SHISA9: variants seen among roughly 807,000 people sequenced by gnomAD.
SHISA9 encodes the protein shisa family member 9.
A neutral mutation model predicts 38.0 loss-of-function variants in SHISA9; 13 were observed. The observed-to-expected ratio is 0.34, with a 90% confidence interval of 0.22 to 0.54. The LOEUF (loss-of-function observed/expected upper bound fraction) is 0.54. SHISA9 is among the 20% of genes least tolerant of loss of function. The probability of loss-of-function intolerance (pLI) is 0.91; values close to 1 mark genes in which losing one functional copy is unlikely to be tolerated. For missense variants in SHISA9, 538 were observed against 575.8 expected, an observed-to-expected ratio of 0.93 and a Z score of 0.67; for synonymous variants, 275 against 242.0, an observed-to-expected ratio of 1.14 and a Z score of -1.27.
chr16:12,965,400 C>A (rs1596553355), intron 2 of SHISA9, among the ~76,000 whole-genome samples: 1 of 152,290 alleles, frequency 6.6e-6, no homozygotes, highest in East Asian at 1.9e-4. Flanking sequence ...GGCAGTCATT[C>A]CTCCTTACTC....
the SHISA9 span, among the ~76,000 whole-genome samples, chr16:13,314,542 TTTCATTTTATTTTTAACAGCTTTAGTG>T: frequency 2.0e-5 from 3 of 152,098 alleles, no homozygotes; most frequent in Admixed American, 2.0e-4. Context: ...GCCCAGCCTA[TTTCATTTTATTTTTAACAGCTTTAGTG>T]AGGTATAATT....
At chr16:13,364,193 G>A in the SHISA9 span, among the ~76,000 whole-genome samples, 15 of 152,238 alleles carry the variant, frequency 9.9e-5, no homozygotes, top group South Asian at 2.3e-3. Flanking sequence ...CTGCCTTTTG[G>A]AACTAGCCTG....
chr16:13,193,796 A>C (rs949084719), intron 2 of SHISA9, among the ~76,000 whole-genome samples: 31 of 152,314 alleles, frequency 2.0e-4, no homozygotes, highest in Admixed American at 2.0e-3. Context: ...GTTCTGTGGT[A>C]AGACCCCAGC....
chr16:13,484,962 A>C, the SHISA9 span, among the ~76,000 whole-genome samples: 1 of 152,026 alleles, frequency 6.6e-6, no homozygotes, highest in East Asian at 1.9e-4. Flanking sequence ...AGACCATATC[A>C]GTAAGCTCCT....
At chr16:13,181,267 TTATATATATATATATATATATA>T (rs1156705123) in intron 2 of SHISA9, among the ~76,000 whole-genome samples, 16 of 80,104 alleles carry the variant, frequency 2.0e-4, no homozygotes, top group South Asian at 9.0e-4. Flanking sequence ...AAATAAAATT[TTATATATATATATATATATATA>T]TATATATATA....
intron 2 of SHISA9, among the ~76,000 whole-genome samples, chr16:12,978,203 A>G (rs951686791): frequency 1.3e-5 from 2 of 152,180 alleles, no homozygotes; most frequent in South Asian, 4.1e-4. Context: ...AGACCCTACC[A>G]TCATCTACCA....
the SHISA9 span, among the ~76,000 whole-genome samples, chr16:13,316,274 C>A: frequency 6.6e-6 from 1 of 152,130 alleles, no homozygotes; most frequent in African/African-American, 2.4e-5. Context: ...TTCCTGCAAC[C>A]ACAGAGAACG....
At chr16:12,986,275 C>T (rs1025785866) in intron 2 of SHISA9, among the ~76,000 whole-genome samples, 1 of 152,148 alleles carries the variant, frequency 6.6e-6, no homozygotes, top group African/African-American at 2.4e-5. Context: ...GGGAAAGGGT[C>T]TCCCTCTTTC....
At chr16:13,289,393 G>T in the SHISA9 span, among the ~76,000 whole-genome samples, 1 of 151,928 alleles carries the variant, frequency 6.6e-6, no homozygotes, top group Admixed American at 6.6e-5. Context: ...GGCAGGGTTG[G>T]GGGGTGCTGA....
At chr16:13,369,172 C>T in the SHISA9 span, among the ~76,000 whole-genome samples, 1 of 152,128 alleles carries the variant, frequency 6.6e-6, no homozygotes, top group East Asian at 1.9e-4. Flanking sequence ...ATTTTGAAAG[C>T]GTACAAAATA....
the SHISA9 span, among the ~76,000 whole-genome samples, chr16:13,409,245 C>A: frequency 2.0e-5 from 3 of 152,160 alleles, no homozygotes; most frequent in Admixed American, 6.5e-5. Context: ...CCATCCATTC[C>A]GCTGACAGCC....
chr16:13,414,616 G>A, the SHISA9 span, among the ~76,000 whole-genome samples: 3 of 147,924 alleles, frequency 2.0e-5, no homozygotes, highest in African/African-American at 5.0e-5. Flanking sequence ...TACCATGTTC[G>A]TTCGTTCTTT....
At chr16:12,991,192 C>G (rs1026049808) in intron 2 of SHISA9, among the ~76,000 whole-genome samples, 2 of 152,152 alleles carry the variant, frequency 1.3e-5, no homozygotes, top group Admixed American at 6.6e-5. Context: ...TCATGCCCCT[C>G]ACCCATTTTT....
the SHISA9 span, among the ~76,000 whole-genome samples, chr16:13,454,851 G>T: frequency 6.6e-6 from 1 of 152,224 alleles, no homozygotes; most frequent in Admixed American, 6.5e-5. Context: ...CTATTCATGT[G>T]GCTTCCTTCA....
intron 2 of SHISA9, among the ~76,000 whole-genome samples, chr16:12,953,994 G>A (rs2071795396): frequency 6.6e-6 from 1 of 152,160 alleles, no homozygotes; most frequent in Admixed American, 6.6e-5. Flanking sequence ...CCAGGTCCCT[G>A]CCTCAACCTG....
the SHISA9 span, among the ~76,000 whole-genome samples, chr16:13,544,970 C>A: frequency 6.6e-6 from 1 of 152,032 alleles, no homozygotes; most frequent in African/African-American, 2.4e-5. Context: ...CTGATAGTGT[C>A]AACAGTTTAG....
At chr16:13,490,570 T>G in the SHISA9 span, among the ~76,000 whole-genome samples, 1 of 152,250 alleles carries the variant, frequency 6.6e-6, no homozygotes, top group East Asian at 1.9e-4. Context: ...GTCTCAAACA[T>G]ACATAAAGCA....
intron 2 of SHISA9, among the ~76,000 whole-genome samples, chr16:13,147,857 G>A (rs956760777): frequency 1.3e-5 from 2 of 152,146 alleles, no homozygotes; most frequent in African/African-American, 4.8e-5. Flanking sequence ...CACCGGGTGG[G>A]AAAATCTTTT....
chr16:13,536,240 G>T, the SHISA9 span, among the ~76,000 whole-genome samples: 1 of 152,048 alleles, frequency 6.6e-6, no homozygotes, highest in Non-Finnish European at 1.5e-5. Context: ...CTCGTGATCC[G>T]TCCGTGTCGG....
Sources: gnomAD v4.1 joint callset for allele counts (sites outside exome capture counted in the v4.1 genomes callset) on GRCh38, gnomAD v4.1.1 for gene constraint, MANE v1.5 for transcripts, NCBI Gene and HGNC (gene_info 2026-07-23, HGNC 2026-07-21) for gene names.